Variants in PLPP7 observed in about 807,000 individuals in gnomAD.
The protein encoded by PLPP7 is inactive phospholipid phosphatase 7.
PLPP7 carries 11 observed loss-of-function variants against 16.9 expected under a neutral mutation model. The observed-to-expected ratio is 0.65, with a 90% CI of 0.41 to 1.08. The LOEUF (loss-of-function observed/expected upper bound fraction) is 1.08, where lower values mean the gene tolerates loss of function less well. PLPP7 is among the 50% of genes least tolerant of loss of function. The pLI is 0.00. For missense variants in PLPP7, 358 were observed against 397.1 expected, an observed-to-expected ratio of 0.90 and a Z score of 0.84; for synonymous variants, 174 against 175.1, an observed-to-expected ratio of 0.99 and a Z score of 0.05.
chr9:131,290,109 T>A lies in PLPP7; in HGVS notation c.112T>A (p.Ser38Thr). 6.5e-7 allele frequency: 1 copy of A among 1,530,520 alleles called. No homozygotes were observed. Among genetic ancestry groups the A allele is most frequent in the Non-Finnish European group, 8.8e-7 (1 of 1,137,586 alleles). The allele number at this position is 1,530,520 out of a possible 1,614,324, so 94.8% of individuals were successfully genotyped here. Residue 38 changes from serine to threonine, a missense_variant, in exon 1 of 2, where the codon TCG (serine) becomes ACG (threonine). Ser to Thr is a moderately conservative substitution (Grantham distance 58). Transcript: ENST00000372264. The surrounding 1 kb of genome is among the most constrained non-coding windows in gnomAD (Gnocchi z 4.2). ...CAAGGGGGGCCCGGAGCCCCGCAGC[T>A]CGGGCAGAAAGGCCTCGGGCCCATC... ...PPKGGPEPRSSGRKASGPSAQ... is the reference protein window; with the variant it reads ...PPKGGPEPRSTGRKASGPSAQ...
At chr9:131,303,069 C>A (rs933730074) in intron 1 of PLPP7, among the ~76,000 whole-genome samples, 1 of 152,186 alleles carries the variant, frequency 6.6e-6, no homozygotes, top group Admixed American at 6.6e-5. Flanking sequence ...CGGTGGCTCA[C>A]GCCTGTAATC....
rs561520812 is a variant in PLPP7 at position 131,304,752 on chromosome 9, A to T, written c.452-3171A>T. 6.0e-4 allele frequency among the ~76,000 whole-genome samples: 91 copies of T among 152,314 alleles called. 1 individual carries two copies. Among genetic ancestry groups the T allele is most frequent in the Admixed American group, 5.2e-3 (79 of 15,302 alleles). On this transcript the variant is annotated intron_variant, in intron 1 of 1. Coordinates refer to ENST00000372264, the MANE Select transcript of PLPP7 (RefSeq NM_032728.4). ...CTCTGTTTCTAGCCACGGGGAAAAA[A>T]ACCTATGAACAAACAGGCACAGCCC...
Position 131,307,964 on chromosome 9 carries a change from C to T in PLPP7, c.493C>T (p.Leu165Phe), listed in dbSNP as rs1289271009. Residue 165 changes from leucine (L) to phenylalanine (F), a missense_variant, in exon 2 of 2, where the codon CTC (leucine) becomes TTC (phenylalanine). Leu to Phe is a conservative substitution (Grantham distance 22). Coordinates refer to ENST00000372264, the MANE Select transcript of PLPP7 (RefSeq NM_032728.4). The part of the protein sequence containing the change: ...DIMTVAGVQK[L>F]IKRRGPYETS... Reference sequence around the variant, plus strand: ...CATGACGGTGGCCGGCGTGCAGAAGCTCATCAAGCGGCGCGGCCCGTACGA... The same window carrying T: ...CATGACGGTGGCCGGCGTGCAGAAGTTCATCAAGCGGCGCGGCCCGTACGA... 2.3e-5 allele frequency: 36 copies of T among 1,597,922 alleles called. No individual in the cohort carries two copies. Among genetic ancestry groups the T allele is most frequent in the Non-Finnish European group, 2.8e-5 (33 of 1,178,554 alleles).
In PLPP7 at chr9:131,308,371, T is replaced by A; in HGVS notation, c.*84T>A. On this transcript the variant is annotated 3_prime_UTR_variant, in exon 2 of 2. Coordinates refer to ENST00000372264, the MANE Select transcript of PLPP7 (RefSeq NM_032728.4). ...GGGGTGGCGAGGTGGCGGGCGTGGG[T>A]GGAACAGAGCGGCCAGGAGTCAGAG... 1 of 1,469,310 alleles carries A rather than the reference T, an allele frequency of 6.8e-7. No homozygotes were observed. Among genetic ancestry groups the A allele is most frequent in the Non-Finnish European group, 9.0e-7 (1 of 1,111,664 alleles). 91.0% of individuals were successfully genotyped at this position (1,469,310 alleles called of 1,614,324 possible).
intron 1 of PLPP7, among the ~76,000 whole-genome samples, chr9:131,293,229 G>A (rs941330212): frequency 5.9e-5 from 7 of 118,866 alleles, no homozygotes; most frequent in Non-Finnish European, 9.2e-5. Flanking sequence ...GCTGCTCACC[G>A]TGGGGCTGCA....
intron 1 of PLPP7, among the ~76,000 whole-genome samples, chr9:131,293,248 A>T (rs11352413): frequency 6.6e-6 from 1 of 151,494 alleles, no homozygotes; most frequent in African/African-American, 2.4e-5. Context: ...CAGGTCGGGC[A>T]TATCACCCGT....
At chr9:131,299,094 G>A (rs1835767524) in intron 1 of PLPP7, among the ~76,000 whole-genome samples, 2 of 152,220 alleles carry the variant, frequency 1.3e-5, no homozygotes, top group Admixed American at 6.5e-5. Context: ...GCATCCCAGC[G>A]TATCCATGGC....
chr9:131,289,830 C>A lies in PLPP7; in HGVS notation c.-168C>A. 1 of 486,464 alleles carries A rather than the reference C, an allele frequency of 2.1e-6. No homozygotes were observed. Among genetic ancestry groups the A allele is most frequent in the Non-Finnish European group, 3.3e-6 (1 of 303,586 alleles). The allele number at this position is 486,464 out of a possible 1,614,324, so 30.1% of individuals were successfully genotyped here. A position where few individuals can be genotyped will look rare whatever the true frequency, so the allele number is the denominator to read the frequency against. On this transcript the variant is annotated 5_prime_UTR_variant, in exon 1 of 2. Transcript: ENST00000372264. Reference sequence around the variant, plus strand: ...CTGACGTCCCCTTGGAGCTGGGTGGCAGAGGAGATAAACAGCCATGTGCAA... The same window carrying A: ...CTGACGTCCCCTTGGAGCTGGGTGGAAGAGGAGATAAACAGCCATGTGCAA...
At position 131,290,761 on chromosome 9, in the gene PLPP7, C is replaced by T. The variant is rs572932509; in HGVS notation, c.451+313C>T. 1.3e-5 allele frequency among the ~76,000 whole-genome samples: 2 copies of T among 152,168 alleles called. No homozygotes were observed. Among genetic ancestry groups the T allele is most frequent in the African/African-American group, 4.8e-5 (2 of 41,434 alleles). ...GCTTGAAGGGAGGCTGGGCCAGAGG[C>T]GGTGGCCTCAAGGGAGACGGTCAGG... On this transcript the variant is annotated intron_variant, in intron 1 of 1. Transcript: ENST00000372264. The surrounding 1 kb of genome is among the most constrained non-coding windows in gnomAD (Gnocchi z 4.2).
intron 1 of PLPP7, among the ~76,000 whole-genome samples, chr9:131,296,343 A>C (rs1009047376): frequency 1.3e-5 from 2 of 152,030 alleles, no homozygotes; most frequent in African/African-American, 4.8e-5. Context: ...GGTTCACTGC[A>C]ACCTCCGCCT....
intron 1 of PLPP7, among the ~76,000 whole-genome samples, chr9:131,294,538 G>A (rs1172939451): frequency 6.6e-6 from 1 of 152,196 alleles, no homozygotes; most frequent in Admixed American, 6.5e-5. Context: ...GGTGACAGGT[G>A]ACCAGGCCCA....
At chr9:131,297,737 G>A (rs1174175328) in intron 1 of PLPP7, among the ~76,000 whole-genome samples, 1 of 152,198 alleles carries the variant, frequency 6.6e-6, no homozygotes, top group Non-Finnish European at 1.5e-5. Flanking sequence ...CTTGTGGCAA[G>A]AAAGATTTTA....
Position 131,290,267 on chromosome 9 carries a change from C to G in PLPP7, c.270C>G (p.Ile90Met), listed in dbSNP as rs375162854. Residue 90 changes from isoleucine to methionine, a missense_variant, in exon 1 of 2, where the codon ATC becomes ATG. Coordinates refer to ENST00000372264, the MANE Select transcript of PLPP7 (RefSeq NM_032728.4). The surrounding 1 kb of genome is among the most constrained non-coding windows in gnomAD (Gnocchi z 4.2). ...TCAACTCCCTGCTGGCCATCGATAT[C>G]TGTATGTCCAAGCGGCTGGGGGTGT... ...IAFNSLLAID[I>M]CMSKRLGVCA... is the part of the protein sequence containing the mutation. 6 of 1,612,482 alleles carry G rather than the reference C, an allele frequency of 3.7e-6. No homozygotes were observed. Among genetic ancestry groups the G allele is most frequent in the Non-Finnish European group, 5.1e-6 (6 of 1,179,306 alleles).
chr9:131,289,934 T>C lies in PLPP7; in HGVS notation c.-64T>C. 1 of 1,322,420 alleles carries C rather than the reference T, an allele frequency of 7.6e-7. No homozygotes were observed. The highest frequency in any genetic ancestry group is 9.7e-7 in the Non-Finnish European group (1 of 1,030,014). The allele number at this position is 1,322,420 out of a possible 1,614,324, so 81.9% of individuals were successfully genotyped here. A position where few individuals can be genotyped will look rare whatever the true frequency, so the allele number is the denominator to read the frequency against. On this transcript the variant is annotated 5_prime_UTR_variant, in exon 1 of 2. Transcript: ENST00000372264. ...GTGGCGGCTCTGGGGGCAGCTCTTG[T>C]CTTCGGGGAGAAGGCCCTTGGAGCC...
At chr9:131,292,849 G>A (rs1835695531) in intron 1 of PLPP7, 8 of 985,272 alleles carry the variant, frequency 8.1e-6, no homozygotes, top group Non-Finnish European at 9.6e-6. Context: ...CAACCTACTT[G>A]TTAAGATAAG....
intron 1 of PLPP7, among the ~76,000 whole-genome samples, chr9:131,305,191 T>C (rs890083773): frequency 2.6e-5 from 4 of 152,182 alleles, no homozygotes; most frequent in Admixed American, 2.6e-4. Context: ...CACACGTGCA[T>C]AGCAGCATGA....
chr9:131,290,111 G>C lies in PLPP7; in HGVS notation c.114G>C (p.Ser38=), dbSNP rs151095002. Residue 38 remains serine, a synonymous_variant, in exon 1 of 2, where the codon TCG becomes TCC. Coordinates refer to ENST00000372264, the MANE Select transcript of PLPP7 (RefSeq NM_032728.4). The surrounding 1 kb of genome is among the most constrained non-coding windows in gnomAD (Gnocchi z 4.2). ...PPKGGPEPRS[S]GRKASGPSAQ... ...AGGGGGGCCCGGAGCCCCGCAGCTC[G>C]GGCAGAAAGGCCTCGGGCCCATCAG... 15 of 1,530,568 alleles carry C rather than the reference G, an allele frequency of 9.8e-6. No homozygotes were observed. Among genetic ancestry groups the C allele is most frequent in the Admixed American group, 2.0e-5 (1 of 49,232 alleles). The allele number at this position is 1,530,568 out of a possible 1,614,324, so 94.8% of individuals were successfully genotyped here. A position where few individuals can be genotyped will look rare whatever the true frequency, so the allele number is the denominator to read the frequency against.
intron 1 of PLPP7, among the ~76,000 whole-genome samples, chr9:131,294,714 T>C (rs2483470): frequency 0.92 from 139,408 of 152,094 alleles, 63,975 homozygotes; most frequent in Middle Eastern, 0.99. Flanking sequence ...TCTGTTGCCC[T>C]GGCTGGAGTG....
intron 1 of PLPP7, among the ~76,000 whole-genome samples, chr9:131,306,277 C>T (rs113626941): frequency 1.1e-4 from 16 of 152,002 alleles, no homozygotes; most frequent in African/African-American, 3.9e-4. Context: ...CGCGGTGGCT[C>T]ATGTCTGTAA....
Sources: allele counts gnomAD v4.1 joint callset (sites outside exome capture counted in the v4.1 genomes callset), GRCh38; gene constraint gnomAD v4.1.1; non-coding constraint Gnocchi (gnomAD v3.1); transcripts MANE v1.5; gene names NCBI Gene and HGNC (gene_info 2026-07-23, HGNC 2026-07-21).